STK3: variants seen among roughly 807,000 people sequenced by gnomAD.
STK3 encodes serine/threonine-protein kinase 3.
In STK3, 41 loss-of-function variants were observed where a neutral mutation model predicts 58.0. That is an observed-to-expected ratio of 0.71 (90% CI 0.55 to 0.92). The LOEUF is 0.92. STK3 is among the 40% of genes least tolerant of loss of function. The pLI is 0.00. For synonymous variants in STK3, 170 were observed against 191.0 expected (o/e 0.89, Z 0.91); for missense variants, 479 against 602.7 (o/e 0.79, Z 2.15).
intron 6 of STK3, among the ~76,000 whole-genome samples, chr8:98,706,071 C>T (rs75325828): frequency 6.7e-6 from 1 of 149,400 alleles, no homozygotes; most frequent in Non-Finnish European, 1.5e-5. Context: ...AAAAAAAACA[C>T]ACAGTAAGGT....
chr8:98,616,726 T>A (rs535918082), intron 6 of STK3, among the ~76,000 whole-genome samples: 1 of 151,654 alleles, frequency 6.6e-6, no homozygotes, highest in Non-Finnish European at 1.5e-5. Context: ...GGCCATTACA[T>A]AATGGTAAAG....
intron 1 of STK3, among the ~76,000 whole-genome samples, chr8:98,799,057 T>G (rs1387709619): frequency 6.6e-6 from 1 of 152,158 alleles, no homozygotes; most frequent in Non-Finnish European, 1.5e-5. Flanking sequence ...GTAAATAAAT[T>G]TCTCTTCTTT....
At chr8:98,466,356 C>G (rs949926717) in intron 10 of STK3, among the ~76,000 whole-genome samples, 1 of 152,166 alleles carries the variant, frequency 6.6e-6, no homozygotes, top group African/African-American at 2.4e-5. Flanking sequence ...TACACTCTTT[C>G]GGCTATGCAA....
intron 3 of STK3, among the ~76,000 whole-genome samples, chr8:98,849,367 A>G (rs1312254201): frequency 6.6e-6 from 1 of 152,182 alleles, no homozygotes; most frequent in Non-Finnish European, 1.5e-5. Context: ...ATGTGTGGTT[A>G]CCCTATAATC....
At chr8:98,887,739 C>A (rs1838044172) in intron 1 of STK3, among the ~76,000 whole-genome samples, 1 of 152,058 alleles carries the variant, frequency 6.6e-6, no homozygotes, top group Non-Finnish European at 1.5e-5. Context: ...TTCTGTGAAA[C>A]CGTAGTAGTA....
intron 3 of STK3, among the ~76,000 whole-genome samples, chr8:98,433,196 T>C (rs1818367929): frequency 6.6e-6 from 1 of 152,174 alleles, no homozygotes; most frequent in Non-Finnish European, 1.5e-5. Context: ...GGAATGGTCC[T>C]GTATTCTTGT....
At chr8:98,716,807 T>C (rs1235816856) in intron 4 of STK3, among the ~76,000 whole-genome samples, 10 of 152,128 alleles carry the variant, frequency 6.6e-5, no homozygotes, top group African/African-American at 2.4e-5. Context: ...CAATGTGATA[T>C]TGGCATAAAC....
downstream of STK3, among the ~76,000 whole-genome samples, chr8:98,451,808 G>A (rs1327660727): frequency 1.3e-5 from 2 of 150,698 alleles, no homozygotes; most frequent in Non-Finnish European, 2.9e-5. Flanking sequence ...ACTTCCTTGG[G>A]TCCAGGTCCC....
chr8:98,606,823 T>C (rs531145409), intron 6 of STK3, among the ~76,000 whole-genome samples: 1 of 152,342 alleles, frequency 6.6e-6, no homozygotes, highest in South Asian at 2.1e-4. Flanking sequence ...TCCTTTATAA[T>C]AAACCTGTCA....
intron 4 of STK3, among the ~76,000 whole-genome samples, chr8:98,726,487 T>C (rs1297299853): frequency 6.6e-6 from 1 of 152,214 alleles, no homozygotes; most frequent in Non-Finnish European, 1.5e-5. Context: ...CATATCCTGT[T>C]AATGTTGTGG....
At chr8:98,668,988 C>CTTTTTTTTT (rs35407432) in intron 6 of STK3, among the ~76,000 whole-genome samples, 2 of 111,130 alleles carry the variant, frequency 1.8e-5, no homozygotes, top group African/African-American at 3.4e-5. Flanking sequence ...TTAATCTTGT[C>CTTTTTTTTT]TTTTTTTTTT....
intron 6 of STK3, among the ~76,000 whole-genome samples, chr8:98,694,355 CT>C (rs745811477): frequency 1.5e-4 from 23 of 151,112 alleles, no homozygotes; most frequent in African/African-American, 4.6e-4. Flanking sequence ...TAAAATAATT[CT>C]TTTTTTTTCA....
intron 1 of STK3, among the ~76,000 whole-genome samples, chr8:98,439,668 G>A (rs1271522135): frequency 1.3e-5 from 2 of 152,110 alleles, no homozygotes; most frequent in Non-Finnish European, 1.5e-5. Context: ...CAGTTGGGTC[G>A]GCAGGTATTA....
At chr8:98,427,870 T>G in intron 3 of STK3, 11 of 859,038 alleles carry the variant, frequency 1.3e-5, no homozygotes, top group South Asian at 1.8e-5. Flanking sequence ...CCGCCAGTAA[T>G]GGGTAGGGAG....
the STK3 span, among the ~76,000 whole-genome samples, chr8:98,361,294 A>AG: frequency 6.6e-6 from 1 of 152,080 alleles, no homozygotes; most frequent in Non-Finnish European, 1.5e-5. Context: ...TGGTAGCTGC[A>AG]GAAAAAAAAA....
At chr8:98,644,306 T>C (rs1820241953) in intron 6 of STK3, among the ~76,000 whole-genome samples, 1 of 152,214 alleles carries the variant, frequency 6.6e-6, no homozygotes, top group East Asian at 1.9e-4. Flanking sequence ...CGAACTTGTA[T>C]AGACACATCT....
intron 6 of STK3, among the ~76,000 whole-genome samples, chr8:98,632,651 A>G (rs1376813094): frequency 6.6e-6 from 1 of 152,224 alleles, no homozygotes; most frequent in Non-Finnish European, 1.5e-5. Context: ...AACCTAAATG[A>G]TTTGTTTTCC....
At chr8:98,429,233 G>A in intron 3 of STK3, 1 of 1,614,016 alleles carries the variant, frequency 6.2e-7, no homozygotes, top group Non-Finnish European at 8.5e-7. Context: ...ACTTTTACCG[G>A]CGCCAAAAGC....
At chr8:98,651,190 C>A (rs958248947) in intron 6 of STK3, among the ~76,000 whole-genome samples, 1 of 152,196 alleles carries the variant, frequency 6.6e-6, no homozygotes, top group Admixed American at 6.5e-5. Context: ...TCACGAAAAT[C>A]TGCTGTTCTG....
Sources: allele counts gnomAD v4.1 joint callset (sites outside exome capture counted in the v4.1 genomes callset), GRCh38; gene constraint gnomAD v4.1.1; transcripts MANE v1.5; gene names NCBI Gene and HGNC (gene_info 2026-07-23, HGNC 2026-07-21).